The following DAAM2 variants were observed in gnomAD, a reference collection of about 807,000 sequenced individuals.
The protein encoded by DAAM2 is dishevelled associated activator of morphogenesis 2, also known as disheveled-associated activator of morphogenesis 2.
In DAAM2, 39 loss-of-function variants were observed where a neutral mutation model predicts 120.7. The ratio of observed to expected loss-of-function variants is 0.32; its 90% confidence interval spans 0.25 to 0.42. The LOEUF (loss-of-function observed/expected upper bound fraction) is 0.42, where lower values mean the gene tolerates loss of function less well. DAAM2 is among the 10% of genes least tolerant of loss of function. The probability of loss-of-function intolerance (pLI) is 1.00; values close to 1 mark genes in which losing one functional copy is unlikely to be tolerated. For missense variants in DAAM2, 1,283 were observed against 1,401.7 expected (o/e 0.92, Z 1.35); for synonymous variants, 488 against 524.9 (o/e 0.93, Z 0.96).
chr6:39,874,998 A>T (rs989094398), intron 10 of DAAM2, among the ~76,000 whole-genome samples: 2 of 152,156 alleles, frequency 1.3e-5, no homozygotes, highest in Non-Finnish European at 2.9e-5. Context: ...GTTTTTATAG[A>T]TAATGTAAAA....
At chr6:39,809,469 GGA>G (rs1389520397) in intron 1 of DAAM2, among the ~76,000 whole-genome samples, 1 of 152,172 alleles carries the variant, frequency 6.6e-6, no homozygotes, top group African/African-American at 2.4e-5. Context: ...GAAATGTTCA[GGA>G]GGAAAGAAAT....
Position 39,798,621 on chromosome 6 carries a change from C to T in DAAM2, c.-57+6156C>T, listed in dbSNP as rs533163179. ...TTTGTATGACCAATTGCTGTGTCGG[C>T]CAGCAATCCCCATCAGTCCTCAAGG... is the stretch of plus-strand genomic sequence containing the variant. On this transcript the variant is annotated intron_variant, in intron 1 of 24. Transcript: ENST00000274867. 9.9e-4 allele frequency among the ~76,000 whole-genome samples: 150 copies of T among 152,236 alleles called. 1 individual carries two copies. Among genetic ancestry groups the T allele is most frequent in the African/African-American group, 3.3e-3 (135 of 41,534 alleles).
In DAAM2 at chr6:39,901,581, A is replaced by G; in HGVS notation, c.2982+109A>G. 1.6e-6 allele frequency: 2 copies of G among 1,261,906 alleles called. No individual in the cohort carries two copies. The highest frequency in any genetic ancestry group is 2.2e-6 in the Non-Finnish European group (2 of 923,500). 78.2% of individuals were successfully genotyped at this position (1,261,906 alleles called of 1,614,324 possible). ...AGGGCAGAGACTGAGGAACTGAGGA[A>G]CACCATAGGGGTTGGATGTCAGCCC... On this transcript the variant is annotated intron_variant, in intron 24 of 24. Transcript: ENST00000274867. The surrounding 1 kb of genome is among the most constrained non-coding windows in gnomAD (Gnocchi z 4.5).
chr6:39,811,033 A>G (rs559687357), intron 1 of DAAM2, among the ~76,000 whole-genome samples: 35 of 152,244 alleles, frequency 2.3e-4, no homozygotes, highest in African/African-American at 8.4e-4. Context: ...GGCTGTGGGA[A>G]TGCTCCTTGC....
chr6:39,896,461 C>A (rs1766099040), intron 19 of DAAM2, among the ~76,000 whole-genome samples: 1 of 152,150 alleles, frequency 6.6e-6, no homozygotes, highest in Non-Finnish European at 1.5e-5. Context: ...CCTCGGCCTC[C>A]CAAAGTGCTG....
intron 1 of DAAM2, among the ~76,000 whole-genome samples, chr6:39,827,470 CAG>C (rs1402426402): frequency 6.6e-6 from 1 of 152,028 alleles, no homozygotes; most frequent in African/African-American, 2.4e-5. Context: ...TAGTCTTTTT[CAG>C]AGTCTGATTA....
At chr6:39,870,779 G>A (rs2149314291) in intron 8 of DAAM2, among the ~76,000 whole-genome samples, 1 of 152,338 alleles carries the variant, frequency 6.6e-6, no homozygotes, top group Non-Finnish European at 1.5e-5. Flanking sequence ...TTGGGGGCCA[G>A]GAATGCTAAA....
At chr6:39,839,712 C>G (rs927195969) in intron 1 of DAAM2, among the ~76,000 whole-genome samples, 3 of 152,204 alleles carry the variant, frequency 2.0e-5, no homozygotes, top group Admixed American at 6.5e-5. Context: ...GAGGTGAGTC[C>G]ACACTGCCAG....
chr6:39,876,538 A>C (rs1399092249), intron 11 of DAAM2, among the ~76,000 whole-genome samples: 1 of 152,214 alleles, frequency 6.6e-6, no homozygotes, highest in Admixed American at 6.5e-5. Flanking sequence ...GGTCCAATGA[A>C]GTTTTTAACC....
intron 1 of DAAM2, among the ~76,000 whole-genome samples, chr6:39,806,046 T>C (rs1017805124): frequency 4.6e-5 from 7 of 152,158 alleles, no homozygotes; most frequent in African/African-American, 1.7e-4. Flanking sequence ...CCAAACTAGT[T>C]GATCTATTTT....
At chr6:39,856,226 G>A in intron 1 of DAAM2, 21 bp from the exon 2 acceptor site, 1 of 1,356,824 alleles carries the variant, frequency 7.4e-7, no homozygotes, top group Non-Finnish European at 9.5e-7. Context: ...TGACCACCCT[G>A]TGTTCTCTCC....
At chr6:39,809,278 T>A (rs1161239599) in intron 1 of DAAM2, among the ~76,000 whole-genome samples, 1 of 152,180 alleles carries the variant, frequency 6.6e-6, no homozygotes, top group Non-Finnish European at 1.5e-5. Context: ...GAGTGGGCAC[T>A]CTGAAATTTC....
At chr6:39,865,911 T>C (rs138141729) in intron 5 of DAAM2, among the ~76,000 whole-genome samples, 137 of 152,360 alleles carry the variant, frequency 9.0e-4, no homozygotes, top group Admixed American at 8.3e-3. Context: ...GGAAACACTA[T>C]GAAATATGCA....
At chr6:39,861,956 C>T (rs923728540) in intron 3 of DAAM2, 2 of 152,414 alleles carry the variant, frequency 1.3e-5, no homozygotes, top group African/African-American at 4.8e-5. Flanking sequence ...TTCTCTTACT[C>T]TTCCTGCTGA....
intron 6 of DAAM2, chr6:39,868,411 C>T (rs1397203528): frequency 8.9e-6 from 2 of 224,252 alleles, no homozygotes; most frequent in Non-Finnish European, 1.8e-5. Context: ...ACTGATGTTA[C>T]AAACCCCATG....
intron 21 of DAAM2, 23 bp from the exon 22 acceptor site, chr6:39,898,854 C>T (rs1415613452): frequency 1.2e-6 from 2 of 1,604,776 alleles, no homozygotes; most frequent in South Asian, 1.1e-5. Context: ...TCCTCATTCC[C>T]TTCCCTCTGT....
intron 1 of DAAM2, among the ~76,000 whole-genome samples, chr6:39,851,036 C>T (rs1763789597): frequency 6.6e-6 from 1 of 152,098 alleles, no homozygotes; most frequent in Admixed American, 6.5e-5. Flanking sequence ...CTCCTGAAGC[C>T]TCAATATTTT....
intron 1 of DAAM2, among the ~76,000 whole-genome samples, chr6:39,831,561 G>T (rs901512689): frequency 1.3e-5 from 2 of 151,652 alleles, no homozygotes; most frequent in African/African-American, 4.9e-5. Context: ...TCTAGGATTT[G>T]CACCCAGGAA....
intron 2 of DAAM2, 54 bp downstream of exon 2, chr6:39,856,524 A>G: frequency 2.2e-6 from 3 of 1,344,444 alleles, no homozygotes; most frequent in Non-Finnish European, 1.9e-6. Flanking sequence ...GTGGATGGAG[A>G]GGCAGAGCTG....
Sources: gnomAD v4.1 joint callset for allele counts (sites outside exome capture counted in the v4.1 genomes callset) on GRCh38, gnomAD v4.1.1 for gene constraint, Gnocchi (gnomAD v3.1) non-coding constraint, MANE v1.5 for transcripts, NCBI Gene and HGNC (gene_info 2026-07-23, HGNC 2026-07-21) for gene names.